TAOK1: variants seen among roughly 807,000 people sequenced by gnomAD.
TAOK1 encodes serine/threonine-protein kinase TAO1.
In TAOK1, 21 loss-of-function variants were observed where a neutral mutation model predicts 138.3. That is an observed-to-expected ratio of 0.15 (90% CI 0.11 to 0.22). The LOEUF (loss-of-function observed/expected upper bound fraction) is 0.22. TAOK1 is among the 10% of genes least tolerant of loss of function. The pLI, the probability that TAOK1 is intolerant of heterozygous loss-of-function variation, is 1.00. For missense variants in TAOK1, 651 were observed against 1,227.7 expected (o/e 0.53, Z 7.02); for synonymous variants, 361 against 398.4 (o/e 0.91, Z 1.12).
chr17:29,478,979 G>A (rs1418055015), intron 6 of TAOK1, among the ~76,000 whole-genome samples: 1 of 152,086 alleles, frequency 6.6e-6, no homozygotes, highest in African/African-American at 2.4e-5. Context: ...ATGAAAATTA[G>A]CTGGGCTTTG....
chr17:29,498,270 G>A, intron 11 of TAOK1, 48 bp from the exon 12 acceptor site: 3 of 1,593,138 alleles, frequency 1.9e-6, no homozygotes, highest in Non-Finnish European at 1.7e-6. Context: ...TCAGAAGAGA[G>A]AGATATATAT....
intron 1 of TAOK1, among the ~76,000 whole-genome samples, chr17:29,430,506 C>T (rs1371005374): frequency 6.6e-6 from 1 of 152,196 alleles, no homozygotes; most frequent in African/African-American, 2.4e-5. Flanking sequence ...TACAAAGTTG[C>T]AAACGAAGAC....
chr17:29,469,797 A>T (rs1016028493), intron 3 of TAOK1, among the ~76,000 whole-genome samples: 1 of 152,098 alleles, frequency 6.6e-6, no homozygotes, highest in Non-Finnish European at 1.5e-5. Context: ...CTTCATGAAA[A>T]TTTTTTTATG....
chr17:29,498,461 A>T lies in TAOK1; in HGVS notation c.1143A>T (p.Leu381=), dbSNP rs368442296. 3.1e-6 allele frequency: 5 copies of T among 1,614,224 alleles called. No homozygotes were observed. Among genetic ancestry groups the T allele is most frequent in the Non-Finnish European group, 4.2e-6 (5 of 1,180,028 alleles). The change falls in exon 12 of 20, where the codon CTA becomes CTT. Residue 381 remains leucine, a synonymous_variant. Coordinates refer to ENST00000261716, the MANE Select transcript of TAOK1 (RefSeq NM_020791.4). ...LPDVSDDKSE[L]DMMEGDHTVM... ...ATGTCTCAGATGACAAGAGTGAGCTAGACATGATGGAGGGAGACCACACAG... is the reference window on the plus strand; with the variant it reads ...ATGTCTCAGATGACAAGAGTGAGCTTGACATGATGGAGGGAGACCACACAG...
At chr17:29,502,512 C>A in intron 12 of TAOK1, 77 bp from the exon 13 acceptor site, 1 of 1,464,682 alleles carries the variant, frequency 6.8e-7, no homozygotes, top group Non-Finnish European at 9.2e-7. Context: ...ATCAAGTTGT[C>A]TTTAAACTTT....
intron 1 of TAOK1, among the ~76,000 whole-genome samples, chr17:29,420,616 G>T (rs572679898): frequency 3.6e-5 from 4 of 112,258 alleles, no homozygotes; most frequent in Non-Finnish European, 6.7e-5. Context: ...ACGAAGTTTC[G>T]CTCTTGTTGC....
intron 4 of TAOK1, among the ~76,000 whole-genome samples, chr17:29,476,833 T>C (rs1273286175): frequency 6.6e-6 from 1 of 151,872 alleles, no homozygotes. Context: ...TATATTGTCA[T>C]TTTTTAAAAT....
intron 8 of TAOK1, among the ~76,000 whole-genome samples, chr17:29,485,442 G>A (rs2153027155): frequency 6.6e-6 from 1 of 150,432 alleles, no homozygotes; most frequent in East Asian, 1.9e-4. Context: ...TTTGAGACCA[G>A]CCTGGGCAGC....
chr17:29,439,455 G>A (rs965499402), intron 1 of TAOK1, among the ~76,000 whole-genome samples: 3 of 151,732 alleles, frequency 2.0e-5, no homozygotes, highest in African/African-American at 4.8e-5. Flanking sequence ...TGCCGGCTTC[G>A]GCCTCCCAAA....
intron 2 of TAOK1, among the ~76,000 whole-genome samples, chr17:29,457,759 ATAGTGTTTGACTAAAGATCT>A (rs1225721268): frequency 6.6e-6 from 1 of 152,016 alleles, no homozygotes; most frequent in African/African-American, 2.4e-5. Flanking sequence ...AAACATATAA[ATAGTGTTTGACTAAAGATCT>A]GGGTACCATG....
At chr17:29,420,812 T>C (rs1905415840) in intron 1 of TAOK1, among the ~76,000 whole-genome samples, 1 of 152,110 alleles carries the variant, frequency 6.6e-6, no homozygotes. Flanking sequence ...CCTGAACTCC[T>C]GACCTCATGA....
intron 1 of TAOK1, among the ~76,000 whole-genome samples, chr17:29,425,504 C>T (rs914210004): frequency 5.3e-5 from 8 of 152,222 alleles, no homozygotes; most frequent in Non-Finnish European, 7.4e-5. Context: ...CATGGCGATA[C>T]CCCATCTGTA....
At chr17:29,531,829 G>A (rs1006179026) in intron 18 of TAOK1, among the ~76,000 whole-genome samples, 1 of 150,836 alleles carries the variant, frequency 6.6e-6, no homozygotes, top group African/African-American at 2.4e-5. Context: ...TATTATGTGG[G>A]TACTTATATA....
At chr17:29,467,003 ATT>A (rs2153025644) in intron 2 of TAOK1, 140 bp from the exon 3 acceptor site, 1 of 468,528 alleles carries the variant, frequency 2.1e-6, no homozygotes, top group Non-Finnish European at 3.7e-6. Flanking sequence ...GTATAGTGTT[ATT>A]TTTAAAATTT....
At chr17:29,412,314 A>G (rs1189307964) in intron 1 of TAOK1, among the ~76,000 whole-genome samples, 2 of 152,138 alleles carry the variant, frequency 1.3e-5, no homozygotes. Flanking sequence ...AAGTGGTGGG[A>G]TTACAGGTGT....
intron 18 of TAOK1, among the ~76,000 whole-genome samples, chr17:29,533,004 A>C (rs59001627): frequency 4.3e-4 from 28 of 65,384 alleles, no homozygotes; most frequent in Admixed American, 7.4e-4. Flanking sequence ...CCCCACCTCC[A>C]ACCGGGCGGG....
chr17:29,531,929 T>G (rs374761998), intron 18 of TAOK1, among the ~76,000 whole-genome samples: 1 of 151,148 alleles, frequency 6.6e-6, no homozygotes, highest in Admixed American at 6.6e-5. Context: ...GGCACGATCT[T>G]GGCTCACTGC....
chr17:29,420,585 G>GTTTTTT (rs71360703), intron 1 of TAOK1, among the ~76,000 whole-genome samples: 9 of 123,512 alleles, frequency 7.3e-5, no homozygotes, highest in Admixed American at 3.6e-4. Context: ...TACTTAATCT[G>GTTTTTT]TTTTTTTTTT....
chr17:29,530,811 T>C, intron 18 of TAOK1, 192 bp downstream of exon 18: 3 of 604,680 alleles, frequency 5.0e-6, no homozygotes, highest in Non-Finnish European at 8.8e-6. Flanking sequence ...GAATTCTCAT[T>C]GATACATTTA....
Sources: gnomAD v4.1 joint callset for allele counts (sites outside exome capture counted in the v4.1 genomes callset) on GRCh38, gnomAD v4.1.1 for gene constraint, MANE v1.5 for transcripts, NCBI Gene and HGNC (gene_info 2026-07-23, HGNC 2026-07-21) for gene names.